The following MYO19 variants were observed in gnomAD, a reference collection of about 807,000 sequenced individuals.
MYO19 encodes myosin XIX, also known as unconventional myosin-XIX.
In MYO19, 132 loss-of-function variants were observed where a neutral mutation model predicts 129.2. The observed-to-expected ratio is 1.02, with a 90% CI of 0.89 to 1.18. The LOEUF (loss-of-function observed/expected upper bound fraction) is 1.18, where lower values mean the gene tolerates loss of function less well. MYO19 is among the 50% of genes most tolerant of loss of function. The pLI, the probability that MYO19 is intolerant of heterozygous loss-of-function variation, is 0.00. For synonymous variants in MYO19, 531 were observed against 477.2 expected (o/e 1.11, Z -1.47); for missense variants, 1,210 against 1,216.7 (o/e 0.99, Z 0.08).
At chr17:36,516,545 C>T (rs60212590) in intron 6 of MYO19, among the ~76,000 whole-genome samples, 11,791 of 152,128 alleles carry the variant, frequency 0.078, 815 homozygotes, top group African/African-American at 0.18. Flanking sequence ...TAATTTTTTA[C>T]ATCTTTAGTA....
chr17:36,509,510 T>C (rs1397280471), intron 13 of MYO19: 2 of 270,356 alleles, frequency 7.4e-6, no homozygotes, highest in Middle Eastern at 1.3e-3. Context: ...ACTGAGTTCA[T>C]TGAACACCCC....
intron 5 of MYO19, 124 bp downstream of exon 5, chr17:36,527,427 G>T (rs2073541642): frequency 9.1e-7 from 1 of 1,103,360 alleles, no homozygotes; most frequent in Middle Eastern, 3.0e-4. Context: ...GGCAGGCCGT[G>T]GCACTAGCAG....
rs888404704 is a variant in MYO19 at position 36,510,790 on chromosome 17, C to T, written c.1113G>A (p.Glu371=). 6.2e-7 allele frequency: 1 copy of T among 1,606,108 alleles called. No individual in the cohort carries two copies. The highest frequency in any genetic ancestry group is 8.5e-7 in the Non-Finnish European group (1 of 1,176,358). Residue 371 remains glutamate (E), a synonymous_variant, in exon 13 of 26, where the codon GAG becomes GAA. Transcript: ENST00000614623. ...QVFRKPCARA[E]CDTRRDCLAK... ...CCAGGCAGTCTCTACGGGTGTCACA[C>T]TCGGCTCGGGCGCAGGGCTTCCGGA...
At chr17:36,542,492 G>A (rs977999916) in intron 1 of MYO19, among the ~76,000 whole-genome samples, 4 of 152,048 alleles carry the variant, frequency 2.6e-5, no homozygotes, top group Non-Finnish European at 5.9e-5. Flanking sequence ...GAGGTCAGGA[G>A]ATCAAGACCA....
At position 36,499,664 on chromosome 17, in the gene MYO19, C is replaced by CTTTTTTCTTTTTT. The variant is rs2071346235; in HGVS notation, c.2378-505_2378-504insAAAAAAGAAAAAA. On this transcript the variant is annotated intron_variant, in intron 23 of 25. Transcript: ENST00000614623. ...CAGCATATTCTTTTTCTTTTTGTTT[C>CTTTTTTCTTTTTT]TTTTTTTTTTTTTTTTTTTTTTTTT... 309 of 62,588 alleles carry CTTTTTTCTTTTTT rather than the reference C, an allele frequency of 4.9e-3. 6 individuals carry two copies. The highest frequency in any genetic ancestry group is 0.012 in the African/African-American group (180 of 14,706). 3.9% of individuals were successfully genotyped at this position (62,588 alleles called of 1,614,324 possible). A position where few individuals can be genotyped will look rare whatever the true frequency, so the allele number is the denominator to read the frequency against.
upstream of MYO19, chr17:36,537,253 C>G: frequency 6.2e-7 from 1 of 1,614,090 alleles, no homozygotes; most frequent in African/African-American, 1.3e-5. Context: ...TCTTTTTCAC[C>G]TACCTGGAAA....
At chr17:36,516,074 GCT>G in intron 6 of MYO19, 84 bp from the exon 7 acceptor site, 1 of 1,441,110 alleles carries the variant, frequency 6.9e-7, no homozygotes, top group Non-Finnish European at 9.2e-7. Context: ...GCCCACCAGA[GCT>G]CTCTTCTCCA....
chr17:36,525,438 A>C (rs2073405082), intron 5 of MYO19, 97 bp from the exon 6 acceptor site: 2 of 905,000 alleles, frequency 2.2e-6, no homozygotes, highest in Non-Finnish European at 3.5e-6. Flanking sequence ...TGCCAATAGC[A>C]GTGGTGGGAT....
chr17:36,509,168 G>C, intron 13 of MYO19, 33 bp from the exon 14 acceptor site: 1 of 1,604,704 alleles, frequency 6.2e-7, no homozygotes, highest in Non-Finnish European at 8.5e-7. Flanking sequence ...TCTGGTAAGA[G>C]GGTCTGGCTG....
chr17:36,519,293 T>G (rs1335574655), intron 6 of MYO19, among the ~76,000 whole-genome samples: 1 of 152,258 alleles, frequency 6.6e-6, no homozygotes, highest in Non-Finnish European at 1.5e-5. Flanking sequence ...AGAACTGTTT[T>G]CTTGATGAAT....
chr17:36,516,229 CTGTG>C (rs1261746994), intron 6 of MYO19, among the ~76,000 whole-genome samples: 2 of 150,010 alleles, frequency 1.3e-5, no homozygotes, highest in Non-Finnish European at 2.9e-5. Context: ...TCGAGGCTTT[CTGTG>C]TATGTTTTTT....
chr17:36,503,986 T>C lies in MYO19; in HGVS notation c.1940A>G (p.Glu647Gly), dbSNP rs753886522. 1 of 1,589,034 alleles carries C rather than the reference T, an allele frequency of 6.3e-7. No individual in the cohort carries two copies. Among genetic ancestry groups the C allele is most frequent in the East Asian group, 2.3e-5 (1 of 43,654 alleles). The change falls in exon 20 of 26, where the codon GAG (glutamate) becomes GGG (glycine). Residue 647 changes from glutamate to glycine, a missense_variant. Physicochemically the swap from Glu to Gly is moderately conservative, Grantham distance 98. Transcript: ENST00000614623. Reference protein sequence around the residue: ...LSQLEACGLVETIHISAAGFP... With the variant: ...LSQLEACGLVGTIHISAAGFP... ...GCCAGCAGCACTGATATGGATGGTCTCCACGAGGCCACAGGCCTCCAGCTG... is the reference window on the plus strand; with the variant it reads ...GCCAGCAGCACTGATATGGATGGTCCCCACGAGGCCACAGGCCTCCAGCTG...
intron 6 of MYO19, among the ~76,000 whole-genome samples, chr17:36,520,087 C>T (rs1248501318): frequency 2.0e-5 from 3 of 151,914 alleles, no homozygotes; most frequent in African/African-American, 7.3e-5. Context: ...GCAATTCTCC[C>T]ACCTCAGCTC....
chr17:36,503,076 T>G (rs753352663), intron 21 of MYO19, 21 bp downstream of exon 21: 2 of 1,596,456 alleles, frequency 1.3e-6, no homozygotes, highest in Non-Finnish European at 1.7e-6. Flanking sequence ...CACAAATGAC[T>G]AACTCATGGG....
intron 23 of MYO19, 106 bp from the exon 24 acceptor site, chr17:36,499,266 G>GT (rs111268012): frequency 0.13 from 66,964 of 511,200 alleles, 3 homozygotes; most frequent in South Asian, 0.21. Context: ...TTTCAAATAC[G>GT]TTTTTTTTTT....
Position 36,527,676 on chromosome 17 carries a change from A to G in MYO19, c.175T>C (p.Tyr59His), listed in dbSNP as rs1409571855. Residue 59 changes from tyrosine to histidine, a missense_variant, in exon 5 of 26, where the codon TAC (tyrosine) becomes CAC (histidine). Tyr to His is a moderately conservative substitution (Grantham distance 83). Coordinates refer to ENST00000614623, the MANE Select transcript of MYO19 (RefSeq NM_001163735.2). Reference sequence around the variant, plus strand: ...TTGGTGTAGAATGTGTCTGCCATGTACCGGGCCTGCAGGCACCTCAGGACT... The same window carrying G: ...TTGGTGTAGAATGTGTCTGCCATGTGCCGGGCCTGCAGGCACCTCAGGACT... ...ETVLRCLQAR[Y>H]MADTFYTNAG... The G allele has an allele frequency of 6.2e-7, 1 of 1,613,634 alleles. No homozygotes were observed. Among genetic ancestry groups the G allele is most frequent in the African/African-American group, 1.3e-5 (1 of 75,022 alleles).
chr17:36,506,094 C>T (rs776453532), intron 18 of MYO19, among the ~76,000 whole-genome samples: 9 of 151,994 alleles, frequency 5.9e-5, no homozygotes, highest in Non-Finnish European at 1.2e-4. Context: ...AGAAAGCAGA[C>T]GATGTGAGAG....
intron 7 of MYO19, 89 bp downstream of exon 7, chr17:36,515,769 G>A: frequency 6.9e-7 from 1 of 1,442,998 alleles, no homozygotes; most frequent in Non-Finnish European, 9.4e-7. Flanking sequence ...ACCCAAGAGA[G>A]GGTCTCAAAG....
chr17:36,531,394 CAA>C (rs587678549), intron 3 of MYO19, among the ~76,000 whole-genome samples: 10,276 of 55,878 alleles, frequency 0.18, 241 homozygotes, highest in African/African-American at 0.24. Flanking sequence ...GACTCCATCT[CAA>C]AAAAAAAAAA....
Sources: gnomAD v4.1 joint callset for allele counts (sites outside exome capture counted in the v4.1 genomes callset) on GRCh38, gnomAD v4.1.1 for gene constraint, MANE v1.5 for transcripts, NCBI Gene and HGNC (gene_info 2026-07-23, HGNC 2026-07-21) for gene names.